The following SAR1A variants were observed in gnomAD, a reference collection of about 807,000 sequenced individuals.
SAR1A encodes secretion associated Ras related GTPase 1A, also known as small COPII coat GTPase SAR1A.
Under a neutral mutation model 22.6 loss-of-function variants are expected in SAR1A, and 6 were observed. That is an observed-to-expected ratio of 0.27 (90% confidence interval 0.15 to 0.52). The LOEUF (loss-of-function observed/expected upper bound fraction) is 0.52. Ranked by LOEUF, SAR1A falls within the 20% of genes least tolerant of loss-of-function variation. The pLI, the probability that SAR1A is intolerant of heterozygous loss-of-function variation, is 0.96. For synonymous variants in SAR1A, 70 were observed against 82.2 expected, an observed-to-expected ratio of 0.85 and a Z score of 0.80; for missense variants, 145 against 245.1, an observed-to-expected ratio of 0.59 and a Z score of 2.73.
At chr10:70,154,498 TTA>T (rs1294770831) in intron 5 of SAR1A, among the ~76,000 whole-genome samples, 9 of 61,946 alleles carry the variant, frequency 1.5e-4, no homozygotes, top group African/African-American at 3.1e-4. Flanking sequence ...TATGTTCACA[TTA>T]TGTTTTTTTT....
Position 70,152,466 on chromosome 10 carries a change from C to T in SAR1A, c.*10G>A, listed in dbSNP as rs377618523. 97 of 1,582,668 alleles carry T rather than the reference C, an allele frequency of 6.1e-5. No individual in the cohort carries two copies. In the African/African-American group the frequency reaches 9.8e-4, roughly 16 times the overall value. ...AGAAGTAAAACTCTTTTATTTTCAC[C>T]GTCCAAACATCAGTCAATATACTGG... On this transcript the variant is annotated 3_prime_UTR_variant, in exon 7 of 7. Coordinates refer to ENST00000373241, the MANE Select transcript of SAR1A (RefSeq NM_020150.5).
intron 6 of SAR1A, among the ~76,000 whole-genome samples, chr10:70,153,477 G>A (rs761950124): frequency 6.6e-6 from 1 of 152,068 alleles, no homozygotes; most frequent in Non-Finnish European, 1.5e-5. Context: ...TGATTGAAAT[G>A]ATTATTTTTC....
Position 70,147,606 on chromosome 10 carries a change from T to C in SAR1A, c.*4870A>G, listed in dbSNP as rs1277252584. 2.0e-5 allele frequency: 3 copies of C among 152,242 alleles called. No individual in the cohort carries two copies. The highest frequency in any genetic ancestry group is 4.8e-5 in the African/African-American group (2 of 41,472). 9.4% of individuals were successfully genotyped at this position (152,242 alleles called of 1,614,324 possible). A position where few individuals can be genotyped will look rare whatever the true frequency, so the allele number is the denominator to read the frequency against. ...AATATTTTTTCCAACCATTTAAATA[T>C]GTAAAAACCTTTCTTTGCTCACAGG... On this transcript the variant is annotated 3_prime_UTR_variant, in exon 7 of 7. Transcript: ENST00000373241.
At chr10:70,168,573 C>CA (rs1190235405) in intron 1 of SAR1A, among the ~76,000 whole-genome samples, 8 of 151,828 alleles carry the variant, frequency 5.3e-5, no homozygotes, top group Non-Finnish European at 1.0e-4. Context: ...GTCTGGACAA[C>CA]AAGAGCAAAA....
At chr10:70,155,085 C>A in intron 5 of SAR1A, 1 of 527,382 alleles carries the variant, frequency 1.9e-6, no homozygotes, top group Non-Finnish European at 3.9e-6. Context: ...AGAGATGACT[C>A]ACATTAGGGG....
At chr10:70,164,293 C>A (rs1839516833) in intron 1 of SAR1A, among the ~76,000 whole-genome samples, 1 of 152,194 alleles carries the variant, frequency 6.6e-6, no homozygotes, top group Admixed American at 6.5e-5. Flanking sequence ...TGTCATTGCC[C>A]TGAAACCTTA....
intron 6 of SAR1A, among the ~76,000 whole-genome samples, chr10:70,153,209 C>T (rs1445562335): frequency 2.6e-5 from 4 of 152,148 alleles, no homozygotes; most frequent in Non-Finnish European, 5.9e-5. Flanking sequence ...AGTAAGATTC[C>T]TGCTTAACTT....
chr10:70,161,455 A>G, intron 3 of SAR1A, 164 bp downstream of exon 3: 4 of 733,452 alleles, frequency 5.5e-6, no homozygotes, highest in Admixed American at 2.9e-5. Context: ...AGAGGTTTAG[A>G]TCTGAAAGTA....
At chr10:70,156,868 G>A (rs957211903) in intron 5 of SAR1A, among the ~76,000 whole-genome samples, 1 of 152,132 alleles carries the variant, frequency 6.6e-6, no homozygotes, top group African/African-American at 2.4e-5. Flanking sequence ...AAAGCCAATA[G>A]TATAGAAACC....
rs1056672886 is a variant in SAR1A at position 70,147,637 on chromosome 10, C to T, written c.*4839G>A. ...AACCTTTCTTTGCTCACAGGCCATA[C>T]AAACACAGGCAGCAGGCCCGATTTG... On this transcript the variant is annotated 3_prime_UTR_variant, in exon 7 of 7. Coordinates refer to ENST00000373241, the MANE Select transcript of SAR1A (RefSeq NM_020150.5). The T allele has an allele frequency of 2.6e-5, 4 of 152,330 alleles. No individual in the cohort carries two copies. Among genetic ancestry groups the T allele is most frequent in the East Asian group, 3.9e-4 (2 of 5,188 alleles). The allele number at this position is 152,330 out of a possible 1,614,324, so 9.4% of individuals were successfully genotyped here.
chr10:70,152,574 C>T lies in SAR1A; in HGVS notation c.499G>A (p.Glu167Lys), dbSNP rs767114545. The change falls in exon 7 of 7, where the codon GAG becomes AAG. Residue 167 changes from glutamate (E) to lysine (K), a missense_variant. Physicochemically the swap from Glu to Lys is moderately conservative, Grantham distance 56. Around this residue, in one of 3 missense-constraint regions of SAR1A, gnomAD observed 83 missense variants for 114.7 expected, o/e 0.72. Transcript: ENST00000373241. Reference protein sequence around the residue: ...TTGKGNVTLKELNARPMEVFM... With the variant: ...TTGKGNVTLKKLNARPMEVFM... ...ACTTCCATGGGGCGAGCATTCAGCT[C>T]CTTCAGGGTCACATTCCCCTAAAGG... The T allele has an allele frequency of 1.2e-6, 2 of 1,613,934 alleles. No homozygotes were observed. The highest frequency in any genetic ancestry group is 1.6e-4 in the Middle Eastern group (1 of 6,062).
chr10:70,167,753 A>G (rs1387267614), intron 1 of SAR1A, among the ~76,000 whole-genome samples: 2 of 152,212 alleles, frequency 1.3e-5, no homozygotes, highest in Non-Finnish European at 2.9e-5. Context: ...ACAGCCAAAT[A>G]AAGTTTGGCA....
rs191359647 is a variant in SAR1A at position 70,156,987 on chromosome 10, G to A, written c.348+777C>T. Among the ~76,000 whole-genome samples, 53 of 152,342 alleles carry A rather than the reference G, an allele frequency of 3.5e-4. No individual in the cohort carries two copies. In the Middle Eastern group the frequency reaches 0.01, roughly 29 times the overall value. ...AAACTGAAGACTGAGAACAGACCAT[G>A]AAGGTCTGGCAAGTCATTCAGTGGG... On this transcript the variant is annotated intron_variant, in intron 5 of 6. Transcript: ENST00000373241.
chr10:70,168,112 A>C (rs1365517925), intron 1 of SAR1A, among the ~76,000 whole-genome samples: 3 of 152,198 alleles, frequency 2.0e-5, no homozygotes, highest in Non-Finnish European at 4.4e-5. Flanking sequence ...ATTCCCACTC[A>C]GATCATTTTG....
intron 1 of SAR1A, among the ~76,000 whole-genome samples, chr10:70,163,490 C>A (rs1156431835): frequency 6.6e-6 from 1 of 152,122 alleles, no homozygotes; most frequent in Non-Finnish European, 1.5e-5. Flanking sequence ...ACGTTGAGGC[C>A]AATATTCATT....
intron 4 of SAR1A, 121 bp downstream of exon 4, chr10:70,160,883 G>T: frequency 1.6e-6 from 1 of 631,038 alleles, no homozygotes. Context: ...AAAGTAATAA[G>T]ATCCTAATTC....
rs147396901 is a variant in SAR1A at position 70,155,933 on chromosome 10, T to C, written c.348+1831A>G. Among the ~76,000 whole-genome samples, 33 of 152,330 alleles carry C rather than the reference T, an allele frequency of 2.2e-4. No individual in the cohort carries two copies. The East Asian group carries it at 3.5e-3, about 16-fold the overall frequency. ...TTTATAGATTTTATCCTGAAAATGA[T>C]AGAGAACTATCAAAGGATATTAAGT... On this transcript the variant is annotated intron_variant, in intron 5 of 6. Transcript: ENST00000373241.
intron 1 of SAR1A, 87 bp from the exon 2 acceptor site, chr10:70,162,018 T>C (rs1020456198): frequency 4.2e-6 from 4 of 941,778 alleles, no homozygotes; most frequent in African/African-American, 3.3e-5. Flanking sequence ...CTAGCCATGA[T>C]GCACATTTAT....
intron 1 of SAR1A, chr10:70,164,070 G>C: frequency 1.3e-6 from 1 of 772,760 alleles, no homozygotes; most frequent in South Asian, 1.4e-5. Flanking sequence ...CAGGGAAGCA[G>C]ATCCTGATGG....
Sources: allele counts gnomAD v4.1 joint callset (sites outside exome capture counted in the v4.1 genomes callset), GRCh38; gene constraint gnomAD v4.1.1; regional missense constraint gnomAD v4.1.1; transcripts MANE v1.5; gene names NCBI Gene and HGNC (gene_info 2026-07-23, HGNC 2026-07-21).